Variants in GPSM2 observed in about 807,000 individuals in gnomAD.
GPSM2 encodes the protein G protein-signaling modulator 2.
A neutral mutation model predicts 78.4 loss-of-function variants in GPSM2; 58 were observed. That is an observed-to-expected ratio of 0.74 (90% CI 0.60 to 0.92). The LOEUF is 0.92. Among genes scored for constraint, GPSM2 ranks in the 40% least tolerant of loss-of-function variants. The pLI is 0.00. For missense variants in GPSM2, 700 were observed against 815.5 expected (o/e 0.86, Z 1.73); for synonymous variants, 224 against 280.2 (o/e 0.80, Z 2.00).
chr1:108,877,265 A>AG (rs1318443857), intron 1 of GPSM2, 37 bp downstream of exon 1: 1 of 150,394 alleles, frequency 6.6e-6, no homozygotes, highest in Non-Finnish European at 1.5e-5. Context: ...GAGGCGTTTG[A>AG]GGGGCTCTCG....
intron 8 of GPSM2, 149 bp from the exon 9 acceptor site, chr1:108,902,977 C>A: frequency 1.6e-6 from 1 of 633,044 alleles, no homozygotes; most frequent in East Asian, 2.8e-5. Flanking sequence ...TCTAGTATGT[C>A]TATAATATCA....
rs539502356 is a variant in GPSM2, at chr1:108,911,131, G to C, written c.1193-3207G>C. Among the ~76,000 whole-genome samples, 130 of 152,190 alleles carry C rather than the reference G, an allele frequency of 8.5e-4. 1 individual carries two copies. The highest frequency in any genetic ancestry group is 3.0e-3 in the African/African-American group (125 of 41,512). ...ATATAAGGATATAATAAACCTGAAA[G>C]TAAAAGAATAGAAGATTCATCATGC... On this transcript the variant is annotated intron_variant, in intron 10 of 14. Transcript: ENST00000264126.
At chr1:108,901,666 T>A (rs1648832836) in intron 7 of GPSM2, 124 bp from the exon 8 acceptor site, 2 of 779,708 alleles carry the variant, frequency 2.6e-6, no homozygotes, top group Non-Finnish European at 4.6e-6. Context: ...GATATGAATA[T>A]TAGGCTCTCA....
rs190381417 is a variant in GPSM2 at position 108,901,825 on chromosome 1, G to A, written c.833G>A (p.Arg278Gln). Reference sequence around the variant, plus strand: ...CTGTTGGCCCGACAGCTTAAAGACCGAGCTGTAGAAGCACAGTCTTGTTAC... The same window carrying A: ...CTGTTGGCCCGACAGCTTAAAGACCAAGCTGTAGAAGCACAGTCTTGTTAC... ...TLLLARQLKD[R>Q]AVEAQSCYSL... The change falls in exon 8 of 15, where the codon CGA (arginine) becomes CAA (glutamine). Residue 278 changes from arginine (R) to glutamine (Q), a missense_variant. Physicochemically the swap from Arg to Gln is conservative, Grantham distance 43. Transcript: ENST00000264126. The A allele has an allele frequency of 7.9e-4, 1,270 of 1,611,892 alleles. 13 individuals are homozygous for A. The highest frequency in any genetic ancestry group is 9.8e-5 in the Non-Finnish European group (115 of 1,178,046).
chr1:108,879,690 C>A (rs1665802737), intron 1 of GPSM2, among the ~76,000 whole-genome samples: 1 of 152,072 alleles, frequency 6.6e-6, no homozygotes, highest in African/African-American at 2.4e-5. Context: ...ATAGTTAGCC[C>A]AGTGTGGTGG....
chr1:108,883,014 T>G (rs1647238462), intron 1 of GPSM2, among the ~76,000 whole-genome samples: 1 of 152,182 alleles, frequency 6.6e-6, no homozygotes, highest in Non-Finnish European at 1.5e-5. Flanking sequence ...TGTGCTATGA[T>G]TGTGATGTGA....
Position 108,904,124 on chromosome 1 carries a change from G to T in GPSM2, c.1063-1G>T, listed in dbSNP as rs773068151. The stretch of plus-strand genomic sequence containing the variant: ...CTAAAATATAAATGTTTGTGTTGTA[G>T]GTTGGGGATAAAAGTGGTGAACTAA... On this transcript the variant is annotated splice_acceptor_variant, in intron 9 of 14. Coordinates refer to ENST00000264126, the MANE Select transcript of GPSM2 (RefSeq NM_013296.5). LOFTEE classifies it high-confidence loss of function. 21 of 1,589,878 alleles carry T rather than the reference G, an allele frequency of 1.3e-5. No homozygotes were observed. The highest frequency in any genetic ancestry group is 1.8e-5 in the Non-Finnish European group (21 of 1,159,220).
At chr1:108,923,441 A>C (rs17030869) in intron 13 of GPSM2, among the ~76,000 whole-genome samples, 13,141 of 152,286 alleles carry the variant, frequency 0.086, 600 homozygotes, top group African/African-American at 0.1. Context: ...AAGAAAAACG[A>C]AGACAGACTG....
intron 10 of GPSM2, among the ~76,000 whole-genome samples, chr1:108,907,655 A>G (rs908037523): frequency 3.3e-5 from 5 of 152,260 alleles, no homozygotes; most frequent in Non-Finnish European, 7.3e-5. Context: ...AAAAGCTAAC[A>G]TTTATTGAGT....
At chr1:108,891,060 C>G (rs1056277680) in intron 2 of GPSM2, among the ~76,000 whole-genome samples, 6 of 151,904 alleles carry the variant, frequency 3.9e-5, no homozygotes, top group African/African-American at 1.2e-4. Flanking sequence ...GGAAGAGTAA[C>G]GATCAGAGTA....
At chr1:108,905,330 G>A (rs1649137380) in intron 10 of GPSM2, among the ~76,000 whole-genome samples, 1 of 152,192 alleles carries the variant, frequency 6.6e-6, no homozygotes, top group Non-Finnish European at 1.5e-5. Context: ...AACAAAACCT[G>A]AAAAGACACT....
chr1:108,902,180 C>A (rs1456545295), intron 8 of GPSM2, among the ~76,000 whole-genome samples: 1 of 151,914 alleles, frequency 6.6e-6, no homozygotes, highest in African/African-American at 2.4e-5. Context: ...AACTCAATTA[C>A]CTCTTCAGAA....
intron 10 of GPSM2, among the ~76,000 whole-genome samples, chr1:108,907,287 T>C (rs1649308505): frequency 6.6e-6 from 1 of 152,220 alleles, no homozygotes; most frequent in Non-Finnish European, 1.5e-5. Context: ...TAAGCCTCCC[T>C]ACATACTGGT....
chr1:108,910,570 AAAAC>A (rs1198673527), intron 10 of GPSM2, among the ~76,000 whole-genome samples: 1 of 152,226 alleles, frequency 6.6e-6, no homozygotes, highest in African/African-American at 2.4e-5. Context: ...AATGTATTTT[AAAAC>A]AAACGGGGAG....
chr1:108,928,250 CATTTCTATAGAGAT>C (rs774009845), intron 14 of GPSM2, among the ~76,000 whole-genome samples: 13 of 152,296 alleles, frequency 8.5e-5, no homozygotes, highest in Non-Finnish European at 1.6e-4. Context: ...CTGGAAGAGG[CATTTCTATAGAGAT>C]AACAAGAGGC....
chr1:108,918,882 G>C, intron 12 of GPSM2, 93 bp downstream of exon 12: 1 of 789,636 alleles, frequency 1.3e-6, no homozygotes, highest in South Asian at 1.5e-5. Context: ...ATTTAAATTA[G>C]ACATTTAATA....
At chr1:108,923,802 T>G (rs1237938926) in intron 13 of GPSM2, among the ~76,000 whole-genome samples, 198 bp from the exon 14 acceptor site, 2 of 152,302 alleles carry the variant, frequency 1.3e-5, no homozygotes, top group South Asian at 2.1e-4. Flanking sequence ...ACTCTGGGGC[T>G]CATTCTTCCC....
chr1:108,903,993 C>T (rs969946189), intron 9 of GPSM2, 132 bp from the exon 10 acceptor site: 7 of 689,966 alleles, frequency 1.0e-5, no homozygotes, highest in African/African-American at 5.4e-5. Context: ...CATTCATAGT[C>T]TCATAATTCT....
Position 108,898,080 on chromosome 1 carries a change from A to G in GPSM2, c.536A>G (p.Gln179Arg). The G allele has an allele frequency of 6.2e-7, 1 of 1,614,020 alleles. No individual in the cohort carries two copies. The highest frequency in any genetic ancestry group is 8.5e-7 in the Non-Finnish European group (1 of 1,179,896). ...EFPEEVRDAL[Q>R]AAVDFYEENL... ...CCAGAAGAAGTGAGAGATGCTCTGC[A>G]GGCAGCCGTGGATTTTTATGAGTGA... The change falls in exon 5 of 15, where the codon CAG becomes CGG. Residue 179 changes from glutamine to arginine, a missense_variant. Physicochemically the swap from Gln to Arg is conservative, Grantham distance 43. Coordinates refer to ENST00000264126, the MANE Select transcript of GPSM2 (RefSeq NM_013296.5).
Sources: gnomAD v4.1 joint callset for allele counts (sites outside exome capture counted in the v4.1 genomes callset) on GRCh38, gnomAD v4.1.1 for gene constraint, MANE v1.5 for transcripts, NCBI Gene and HGNC (gene_info 2026-07-23, HGNC 2026-07-21) for gene names.